Variants in LRP1B observed in about 807,000 individuals in gnomAD.
LRP1B encodes the protein LDL receptor related protein 1B.
In LRP1B, 217 loss-of-function variants were observed where a neutral mutation model predicts 556.6. That is an observed-to-expected ratio of 0.39 (90% CI 0.35 to 0.44). The LOEUF is 0.44. Among genes scored for constraint, LRP1B ranks in the 20% least tolerant of loss-of-function variants. The pLI is 1.00. For missense variants in LRP1B, 5,053 were observed against 5,620.8 expected, an observed-to-expected ratio of 0.90 and a Z score of 3.23; for synonymous variants, 2,047 against 1,865.8, an observed-to-expected ratio of 1.10 and a Z score of -2.50.
At chr2:140,594,926 T>G (rs749914787) in intron 43 of LRP1B, among the ~76,000 whole-genome samples, 2 of 151,776 alleles carry the variant, frequency 1.3e-5, no homozygotes, top group Non-Finnish European at 2.9e-5. Context: ...TCCTTCAATC[T>G]TCGTAACTAT....
At chr2:140,969,680 G>C (rs1434460573) in intron 18 of LRP1B, among the ~76,000 whole-genome samples, 2 of 152,162 alleles carry the variant, frequency 1.3e-5, no homozygotes, top group African/African-American at 4.8e-5. Flanking sequence ...TCTGTTCCAT[G>C]TTTAGTGCTT....
At chr2:140,974,344 G>A (rs1172451696) in intron 18 of LRP1B, among the ~76,000 whole-genome samples, 2 of 152,138 alleles carry the variant, frequency 1.3e-5, no homozygotes, top group African/African-American at 2.4e-5. Flanking sequence ...AAGTTACAAA[G>A]CATTTTATTC....
chr2:140,728,200 A>C (rs1687659229), intron 35 of LRP1B, among the ~76,000 whole-genome samples: 1 of 152,158 alleles, frequency 6.6e-6, no homozygotes, highest in African/African-American at 2.4e-5. Flanking sequence ...TTTCCTATCA[A>C]GGTAATAAAA....
At chr2:141,903,442 A>G (rs550701516) in intron 1 of LRP1B, among the ~76,000 whole-genome samples, 1 of 152,042 alleles carries the variant, frequency 6.6e-6, no homozygotes, top group East Asian at 1.9e-4. Context: ...TAACTCTGCC[A>G]CTAAACTGAC....
intron 66 of LRP1B, among the ~76,000 whole-genome samples, chr2:140,397,093 G>A (rs1684287399): frequency 6.6e-6 from 1 of 152,178 alleles, no homozygotes; most frequent in Non-Finnish European, 1.5e-5. Context: ...AAGACCTCTA[G>A]AGTGTTTTAA....
At chr2:140,394,256 TG>T (rs1386853341) in intron 66 of LRP1B, among the ~76,000 whole-genome samples, 3 of 152,116 alleles carry the variant, frequency 2.0e-5, no homozygotes, top group African/African-American at 7.2e-5. Flanking sequence ...CCGTTAATTC[TG>T]GATTCCTACT....
intron 1 of LRP1B, among the ~76,000 whole-genome samples, chr2:141,931,488 G>A (rs575420611): frequency 5.3e-5 from 8 of 151,958 alleles, no homozygotes; most frequent in African/African-American, 1.2e-4. Flanking sequence ...GAGAAAGAAC[G>A]CTTCTAAGAT....
chr2:140,618,951 CCT>C (rs1447373963), intron 41 of LRP1B, among the ~76,000 whole-genome samples: 1 of 152,032 alleles, frequency 6.6e-6, no homozygotes, highest in Admixed American at 6.6e-5. Context: ...ACTTCCCATA[CCT>C]CTCTCCTCAA....
chr2:140,470,923 T>G (rs1171121882), intron 60 of LRP1B, among the ~76,000 whole-genome samples: 1 of 152,144 alleles, frequency 6.6e-6, no homozygotes, highest in Non-Finnish European at 1.5e-5. Context: ...TTTCTCCAGT[T>G]TGAGGAGATC....
At chr2:140,899,794 C>T (rs973663712) in intron 23 of LRP1B, among the ~76,000 whole-genome samples, 1 of 152,066 alleles carries the variant, frequency 6.6e-6, no homozygotes, top group Admixed American at 6.6e-5. Flanking sequence ...CGATAGAGGG[C>T]TCTGAAGAGC....
chr2:141,504,010 C>T (rs936211022), intron 2 of LRP1B, among the ~76,000 whole-genome samples: 7 of 152,088 alleles, frequency 4.6e-5, no homozygotes, highest in East Asian at 1.9e-4. Flanking sequence ...ACCTTGGAAA[C>T]GATTTAGGCT....
intron 87 of LRP1B, among the ~76,000 whole-genome samples, chr2:140,244,027 T>C (rs1229998606): frequency 6.6e-6 from 1 of 151,348 alleles, no homozygotes; most frequent in African/African-American, 2.4e-5. Flanking sequence ...TTCCTTGTTT[T>C]ATTGCTGTTT....
intron 7 of LRP1B, among the ~76,000 whole-genome samples, chr2:141,111,778 T>C (rs1700757483): frequency 6.6e-6 from 1 of 152,052 alleles, no homozygotes; most frequent in South Asian, 2.1e-4. Flanking sequence ...CAGCCGGTAG[T>C]GGTGGCTCAC....
At chr2:140,761,998 ATG>A (rs1688942176) in intron 35 of LRP1B, among the ~76,000 whole-genome samples, 1 of 152,062 alleles carries the variant, frequency 6.6e-6, no homozygotes, top group Non-Finnish European at 1.5e-5. Context: ...GATGATGATG[ATG>A]ATGATGCCTT....
At chr2:140,769,369 G>C (rs779571911) in intron 34 of LRP1B, 25 bp from the exon 35 acceptor site, 23 of 1,570,482 alleles carry the variant, frequency 1.5e-5, no homozygotes, top group South Asian at 1.3e-4. Context: ...GGAGATAAGG[G>C]GGGGAAGGGA....
chr2:140,333,267 G>C (rs1213527410), intron 79 of LRP1B, among the ~76,000 whole-genome samples: 1 of 151,972 alleles, frequency 6.6e-6, no homozygotes, highest in African/African-American at 2.4e-5. Flanking sequence ...AACTAAAATA[G>C]TACCTCCATT....
chr2:140,317,017 C>G (rs532958697), intron 82 of LRP1B, among the ~76,000 whole-genome samples: 1 of 151,994 alleles, frequency 6.6e-6, no homozygotes, highest in Non-Finnish European at 1.5e-5. Flanking sequence ...GATGGAGCTC[C>G]GGCGGAATAC....
chr2:140,278,461 TTTTCTC>T (rs1351886781), intron 84 of LRP1B, among the ~76,000 whole-genome samples: 2 of 151,986 alleles, frequency 1.3e-5, no homozygotes, highest in Non-Finnish European at 2.9e-5. Context: ...GCTAAATAGT[TTTTCTC>T]TTTGTAGGGA....
At chr2:141,465,096 T>C (rs1682129776) in intron 3 of LRP1B, among the ~76,000 whole-genome samples, 1 of 151,486 alleles carries the variant, frequency 6.6e-6, no homozygotes, top group African/African-American at 2.4e-5. Context: ...TCTCAATATA[T>C]TAAATAAAAC....
Sources: allele counts gnomAD v4.1 joint callset (sites outside exome capture counted in the v4.1 genomes callset), GRCh38; gene constraint gnomAD v4.1.1; transcripts MANE v1.5; gene names NCBI Gene and HGNC (gene_info 2026-07-23, HGNC 2026-07-21).